SCP2: variants seen among roughly 807,000 people sequenced by gnomAD.
SCP2 encodes the protein sterol carrier protein 2, also known as SCP-2/3-oxoacyl-CoA thiolase.
In SCP2, 48 loss-of-function variants were observed where a neutral mutation model predicts 71.4. The observed-to-expected ratio is 0.67, with a 90% CI of 0.53 to 0.86. The LOEUF (loss-of-function observed/expected upper bound fraction) is 0.86, where lower values mean the gene tolerates loss of function less well. SCP2 is among the 40% of genes least tolerant of loss of function. SCP2 has a pLI of 0.00. For missense variants in SCP2, 560 were observed against 655.6 expected (o/e 0.85, Z 1.59); for synonymous variants, 220 against 218.1 (o/e 1.01, Z -0.08).
chr1:52,968,133 C>T (rs995013255), intron 6 of SCP2, among the ~76,000 whole-genome samples: 1 of 151,972 alleles, frequency 6.6e-6, no homozygotes, highest in African/African-American at 2.4e-5. Flanking sequence ...GTAGAGATGG[C>T]GTTTCTCCAT....
chr1:53,025,566 GC>G (rs1662068954), intron 12 of SCP2, among the ~76,000 whole-genome samples: 1 of 151,918 alleles, frequency 6.6e-6, no homozygotes, highest in African/African-American at 2.4e-5. Context: ...AGTTATTCAG[GC>G]CAAATGCCTG....
intron 11 of SCP2, among the ~76,000 whole-genome samples, chr1:53,005,539 A>G (rs368541236): frequency 6.6e-6 from 1 of 152,216 alleles, no homozygotes; most frequent in South Asian, 2.1e-4. Flanking sequence ...GCAAACTCCA[A>G]CAGACCTGCA....
At chr1:53,010,774 T>C (rs574609750) in intron 11 of SCP2, among the ~76,000 whole-genome samples, 130 of 152,218 alleles carry the variant, frequency 8.5e-4, no homozygotes, top group African/African-American at 3.0e-3. Context: ...ACTTAAAGTA[T>C]AACAATAAAA....
Position 52,976,687 on chromosome 1 carries a change from TC to T in SCP2, c.595del (p.Gln199SerfsTer8). 6.6e-7 allele frequency: 1 copy of T among 1,518,738 alleles called. No homozygotes were observed. Among genetic ancestry groups the T allele is most frequent in the Non-Finnish European group, 9.1e-7 (1 of 1,093,950 alleles). 94.1% of individuals were successfully genotyped at this position (1,518,738 alleles called of 1,614,324 possible). On this transcript the variant is annotated frameshift_variant, in exon 8 of 16. Coordinates refer to ENST00000371514, the MANE Select transcript of SCP2 (RefSeq NM_002979.5). LOFTEE classifies it high-confidence loss of function. ...NHKHSVNNPY[S>X]QFQDEYSLDE... ...TAATATTTATTTTGTATTTAGGTAT[TC>T]CCAGTTCCAAGATGAATACAGTTTA...
chr1:53,037,879 TACAC>T (rs34293671), intron 13 of SCP2, among the ~76,000 whole-genome samples: 4,066 of 84,452 alleles, frequency 0.048, 101 homozygotes, highest in East Asian at 0.089. Flanking sequence ...TGTCTCTACA[TACAC>T]ACACACACAC....
intron 14 of SCP2, among the ~76,000 whole-genome samples, chr1:53,040,222 G>T (rs1156364145): frequency 6.6e-6 from 1 of 152,002 alleles, no homozygotes; most frequent in African/African-American, 2.4e-5. Flanking sequence ...ACCTTCCTCT[G>T]CTCAAAAGCA....
chr1:52,952,792 C>T (rs988952737), intron 4 of SCP2, among the ~76,000 whole-genome samples: 6 of 151,856 alleles, frequency 4.0e-5, no homozygotes, highest in South Asian at 2.1e-4. Context: ...GCGGGGAGGG[C>T]GTAGATAATG....
At chr1:52,970,722 C>T (rs977172392) in intron 6 of SCP2, among the ~76,000 whole-genome samples, 1 of 151,874 alleles carries the variant, frequency 6.6e-6, no homozygotes, top group Non-Finnish European at 1.5e-5. Flanking sequence ...CGATTATCTC[C>T]CCTCTTCTCT....
chr1:52,976,738 G>A lies in SCP2; in HGVS notation c.643G>A (p.Val215Ile), dbSNP rs983980440. ...AGATGAAGTGATGGCATCTAAAGAA[G>A]TTTTTGATTTTTTGACTATCTTACA... The part of the protein sequence containing the change: ...SLDEVMASKE[V>I]FDFLTILQCC... Residue 215 changes from valine (V) to isoleucine (I), a missense_variant, in exon 8 of 16, where the codon GTT becomes ATT. Transcript: ENST00000371514. 1 of 1,563,844 alleles carries A rather than the reference G, an allele frequency of 6.4e-7. No individual in the cohort carries two copies. The highest frequency in any genetic ancestry group is 8.8e-7 in the Non-Finnish European group (1 of 1,134,880).
intron 12 of SCP2, among the ~76,000 whole-genome samples, chr1:53,023,756 A>G (rs564771102): frequency 3.5e-4 from 54 of 152,320 alleles, no homozygotes; most frequent in Non-Finnish European, 5.3e-4. Flanking sequence ...AGGACTGCAC[A>G]GAGTCTGCTT....
At chr1:53,028,166 A>T in intron 13 of SCP2, 95 bp downstream of exon 13, 2 of 708,408 alleles carry the variant, frequency 2.8e-6, no homozygotes, top group Admixed American at 4.1e-5. Flanking sequence ...ACAATTGAAA[A>T]TTTATATCAT....
intron 13 of SCP2, among the ~76,000 whole-genome samples, chr1:53,034,615 A>G (rs1267621170): frequency 6.6e-6 from 1 of 152,222 alleles, no homozygotes; most frequent in Non-Finnish European, 1.5e-5. Flanking sequence ...TATAAATTAT[A>G]TCTCAATGCT....
chr1:52,946,661 A>T (rs1237635982), intron 2 of SCP2, among the ~76,000 whole-genome samples: 1 of 152,034 alleles, frequency 6.6e-6, no homozygotes, highest in Non-Finnish European at 1.5e-5. Context: ...TTTTTTGACT[A>T]ACCCAATTCT....
intron 2 of SCP2, among the ~76,000 whole-genome samples, chr1:52,945,139 C>T (rs929481446): frequency 3.9e-5 from 6 of 151,910 alleles, no homozygotes; most frequent in Non-Finnish European, 7.4e-5. Flanking sequence ...AGCATTTTTC[C>T]CCTATGGCTA....
chr1:52,939,877 C>A (rs1456101079), intron 1 of SCP2, among the ~76,000 whole-genome samples: 1 of 151,948 alleles, frequency 6.6e-6, no homozygotes, highest in Non-Finnish European at 1.5e-5. Flanking sequence ...ATCATGTTGA[C>A]CAGTCTGGTC....
At chr1:53,040,607 G>T (rs995091735) in intron 14 of SCP2, among the ~76,000 whole-genome samples, 18 of 151,984 alleles carry the variant, frequency 1.2e-4, no homozygotes, top group African/African-American at 3.9e-4. Context: ...TGTAGCCCCA[G>T]CTACTCAGGA....
intron 2 of SCP2, among the ~76,000 whole-genome samples, chr1:52,945,832 C>T (rs1164705433): frequency 6.6e-6 from 1 of 151,320 alleles, no homozygotes; most frequent in African/African-American, 2.4e-5. Flanking sequence ...GAACATTTTG[C>T]TAAATAGATG....
In SCP2 at chr1:53,025,414, C is replaced by G. The variant is rs140459401; in HGVS notation, c.1236-2555C>G. ...TTCTCCATTTTATCTCTAGCTGGCC[C>G]TCTCCACTGAGCTCCAGACTCTCAT... is the stretch of plus-strand genomic sequence containing the variant. On this transcript the variant is annotated intron_variant, in intron 12 of 15. Coordinates refer to ENST00000371514, the MANE Select transcript of SCP2 (RefSeq NM_002979.5). Among the ~76,000 whole-genome samples, 964 of 152,280 alleles carry G rather than the reference C, an allele frequency of 6.3e-3. 9 individuals are homozygous for G. The highest frequency in any genetic ancestry group is 0.022 in the African/African-American group (907 of 41,550).
At chr1:52,957,860 G>C (rs1184601332) in intron 5 of SCP2, among the ~76,000 whole-genome samples, 1 of 152,110 alleles carries the variant, frequency 6.6e-6, no homozygotes, top group African/African-American at 2.4e-5. Flanking sequence ...TTTTCATGTG[G>C]ATGTCCAGTT....
Sources: allele counts gnomAD v4.1 joint callset (sites outside exome capture counted in the v4.1 genomes callset), GRCh38; gene constraint gnomAD v4.1.1; transcripts MANE v1.5; gene names NCBI Gene and HGNC (gene_info 2026-07-23, HGNC 2026-07-21).